FRMD4A: variants seen among roughly 807,000 people sequenced by gnomAD.
FRMD4A encodes FERM domain-containing protein 4A.
FRMD4A carries 29 observed loss-of-function variants against 129.1 expected under a neutral mutation model. That is an observed-to-expected ratio of 0.22 (90% CI 0.17 to 0.31). The LOEUF is 0.31. Ranked by LOEUF, FRMD4A falls within the 10% of genes least tolerant of loss-of-function variation. The pLI is 1.00. For missense variants in FRMD4A, 1,272 were observed against 1,375.8 expected (o/e 0.92, Z 1.19); for synonymous variants, 634 against 571.6 (o/e 1.11, Z -1.56).
At chr10:14,131,531 A>C (rs1184808823) in intron 2 of FRMD4A, among the ~76,000 whole-genome samples, 1 of 152,178 alleles carries the variant, frequency 6.6e-6, no homozygotes, top group Non-Finnish European at 1.5e-5. Context: ...CATGAACAAC[A>C]CAGACAGCAT....
In FRMD4A at chr10:14,035,888, A is replaced by G. The variant is rs529179893; in HGVS notation, c.46-176976T>C. Among the ~76,000 whole-genome samples the G allele has an allele frequency of 2.6e-5, 4 of 152,220 alleles. No individual in the cohort carries two copies. The East Asian group carries it at 5.8e-4, about 22-fold the overall frequency. On this transcript the variant is annotated intron_variant, in intron 2 of 24. Coordinates refer to ENST00000357447, the MANE Select transcript of FRMD4A (RefSeq NM_018027.5). ...TCTGACCATCTCAATGCCAAAATAC[A>G]AAAATTAGCCAGGCGTGGTGGTTGG... is the stretch of plus-strand genomic sequence containing the variant.
At chr10:13,705,826 C>T (rs901679072) in intron 13 of FRMD4A, among the ~76,000 whole-genome samples, 4 of 152,204 alleles carry the variant, frequency 2.6e-5, no homozygotes, top group African/African-American at 9.7e-5. Context: ...CAGAAACTCT[C>T]AGCTGCTCTC....
At chr10:14,222,428 G>T (rs1843292836) in intron 2 of FRMD4A, among the ~76,000 whole-genome samples, 1 of 152,164 alleles carries the variant, frequency 6.6e-6, no homozygotes, top group South Asian at 2.1e-4. Flanking sequence ...TGTCTATCCA[G>T]TTGCCCAATC....
chr10:13,959,016 CTGAG>C (rs1473426953), intron 2 of FRMD4A, among the ~76,000 whole-genome samples: 2 of 152,212 alleles, frequency 1.3e-5, no homozygotes, highest in Admixed American at 1.3e-4. Flanking sequence ...CCCCAGCACT[CTGAG>C]TATTTTATTC....
At chr10:13,986,696 A>T (rs2095582792) in intron 2 of FRMD4A, among the ~76,000 whole-genome samples, 1 of 150,224 alleles carries the variant, frequency 6.7e-6, no homozygotes, top group African/African-American at 2.4e-5. Context: ...AAGGAAAAAA[A>T]AAAAAGAAAA....
intron 11 of FRMD4A, among the ~76,000 whole-genome samples, chr10:13,738,671 A>C (rs1312590178): frequency 6.6e-6 from 1 of 152,064 alleles, no homozygotes; most frequent in Non-Finnish European, 1.5e-5. Context: ...CCCAGGCTGG[A>C]GTGCATTGGC....
intron 5 of FRMD4A, among the ~76,000 whole-genome samples, chr10:13,786,520 C>T (rs576949745): frequency 2.0e-4 from 31 of 152,124 alleles, no homozygotes; most frequent in Non-Finnish European, 3.2e-4. Flanking sequence ...GCAGGAGAAT[C>T]GCTTGAACCT....
Position 14,137,810 on chromosome 10 carries a change from C to A in FRMD4A, c.45+192248G>T, listed in dbSNP as rs536049617. On this transcript the variant is annotated intron_variant, in intron 2 of 24. Transcript: ENST00000357447. ...CGCACTAATTTAATTTTAATTCTAG[C>A]TAAAAGCATTTTTTTTCCTTGCCTC... 9.2e-5 allele frequency among the ~76,000 whole-genome samples: 14 copies of A among 152,278 alleles called. No homozygotes were observed. In the East Asian group the frequency reaches 2.7e-3, roughly 29 times the overall value.
At chr10:14,186,076 C>A (rs1340012424) in intron 2 of FRMD4A, among the ~76,000 whole-genome samples, 1 of 151,470 alleles carries the variant, frequency 6.6e-6, no homozygotes, top group African/African-American at 2.4e-5. Flanking sequence ...TGGAAACCAT[C>A]GTCCAAAGAG....
chr10:13,911,255 G>T (rs1453805101), intron 2 of FRMD4A, among the ~76,000 whole-genome samples: 1 of 152,178 alleles, frequency 6.6e-6, no homozygotes, highest in Non-Finnish European at 1.5e-5. Flanking sequence ...TCCTGCACAT[G>T]ATAAGATCAT....
At position 14,084,024 on chromosome 10, in the gene FRMD4A, A is replaced by T. The variant is rs137986998; in HGVS notation, c.46-225112T>A. On this transcript the variant is annotated intron_variant, in intron 2 of 24. Coordinates refer to ENST00000357447, the MANE Select transcript of FRMD4A (RefSeq NM_018027.5). ...CGGGCACGTGTTTTAGCCCTTTTAGACTTGTAAATGGTCCACATGTAATGT... is the reference window on the plus strand; with the variant it reads ...CGGGCACGTGTTTTAGCCCTTTTAGTCTTGTAAATGGTCCACATGTAATGT... 8.3e-4 allele frequency among the ~76,000 whole-genome samples: 126 copies of T among 152,342 alleles called. 1 individual carries two copies. The highest frequency in any genetic ancestry group is 3.4e-3 in the Middle Eastern group (1 of 294).
rs139786068 is a variant in FRMD4A, at chr10:13,864,512, G to T, written c.46-5600C>A. On this transcript the variant is annotated intron_variant, in intron 2 of 24. Transcript: ENST00000357447. The stretch of plus-strand genomic sequence containing the variant: ...TGTCTTTTTGGTTTAGCCACTTGTT[G>T]ATGTCCTCTGTCTCCCTTTTCTTTC... Among the ~76,000 whole-genome samples the T allele has an allele frequency of 7.2e-3, 1,084 of 150,662 alleles. 1 individual carries two copies. The highest frequency in any genetic ancestry group is 0.012 in the Non-Finnish European group (809 of 67,732).
intron 2 of FRMD4A, among the ~76,000 whole-genome samples, chr10:14,027,710 T>C (rs550218653): frequency 6.6e-6 from 1 of 152,320 alleles, no homozygotes; most frequent in Admixed American, 6.5e-5. Flanking sequence ...GGATAAGAAA[T>C]TGTACATGAT....
chr10:13,893,680 C>G (rs1189456349), intron 2 of FRMD4A, among the ~76,000 whole-genome samples: 1 of 152,056 alleles, frequency 6.6e-6, no homozygotes, highest in African/African-American at 2.4e-5. Flanking sequence ...CACCACCATG[C>G]CCGGCTAATT....
At chr10:13,922,053 C>G (rs2095079191) in intron 2 of FRMD4A, among the ~76,000 whole-genome samples, 1 of 152,110 alleles carries the variant, frequency 6.6e-6, no homozygotes, top group Non-Finnish European at 1.5e-5. Flanking sequence ...GAGATCAGAG[C>G]TTTCTGTCTC....
intron 3 of FRMD4A, among the ~76,000 whole-genome samples, chr10:13,834,636 G>T (rs1233232025): frequency 6.6e-6 from 1 of 152,200 alleles, no homozygotes; most frequent in African/African-American, 2.4e-5. Flanking sequence ...AGACGAAATT[G>T]ATGCGTCTGA....
chr10:13,762,983 C>T (rs117246557), intron 6 of FRMD4A, among the ~76,000 whole-genome samples: 5,566 of 151,270 alleles, frequency 0.037, 134 homozygotes, highest in Non-Finnish European at 0.056. Context: ...TGGCTCAAAA[C>T]AAACAAACAA....
intron 2 of FRMD4A, 47 bp from the exon 3 acceptor site, chr10:13,858,959 C>G (rs759561398): frequency 3.3e-6 from 4 of 1,215,028 alleles, no homozygotes; most frequent in Non-Finnish European, 4.9e-6. Flanking sequence ...AGCAGCCAGA[C>G]AAAGGGTTAG....
At chr10:14,076,869 T>C (rs1274135320) in intron 2 of FRMD4A, among the ~76,000 whole-genome samples, 1 of 152,176 alleles carries the variant, frequency 6.6e-6, no homozygotes, top group Admixed American at 6.5e-5. Context: ...TGAGATGTGG[T>C]CCTTGTCCTC....
Sources: allele counts gnomAD v4.1 joint callset (sites outside exome capture counted in the v4.1 genomes callset), GRCh38; gene constraint gnomAD v4.1.1; transcripts MANE v1.5; gene names NCBI Gene and HGNC (gene_info 2026-07-23, HGNC 2026-07-21).